Variants in DYNC2H1 observed in about 807,000 individuals in gnomAD.
The protein encoded by DYNC2H1 is dynein cytoplasmic 2 heavy chain 1, also known as cytoplasmic dynein 2 heavy chain 1.
In DYNC2H1, 410 loss-of-function variants were observed where a neutral mutation model predicts 570.0. The observed-to-expected ratio is 0.72, with a 90% CI of 0.66 to 0.78. The LOEUF (loss-of-function observed/expected upper bound fraction) is 0.78, where lower values mean the gene tolerates loss of function less well. DYNC2H1 is among the 30% of genes least tolerant of loss of function. The probability of loss-of-function intolerance (pLI) is 0.00; values close to 1 mark genes in which losing one functional copy is unlikely to be tolerated. For missense variants in DYNC2H1, 4,865 were observed against 5,046.4 expected (o/e 0.96, Z 1.09); for synonymous variants, 1,688 against 1,677.6 (o/e 1.01, Z -0.15).
In DYNC2H1 at chr11:103,117,850, A is replaced by C. The variant is rs368398298; in HGVS notation, c.986A>C (p.Lys329Thr). 4 of 1,611,816 alleles carry C rather than the reference A, an allele frequency of 2.5e-6. No homozygotes were observed. In the African/African-American group the frequency reaches 5.3e-5, roughly 22 times the overall value. ...CCAGAAACACTTGACAAACTTGGCA[A>C]ACGCCTTGAAGAGGTATCAATTTGA... is the stretch of plus-strand genomic sequence containing the variant. ...YFPETLDKLGKRLEEVLAIRT... is the reference protein window; with the variant it reads ...YFPETLDKLGTRLEEVLAIRT... Residue 329 changes from lysine (K) to threonine (T), a missense_variant, in exon 6 of 89, where the codon AAA becomes ACA. By Grantham distance (78) the Lys-to-Thr change is moderately conservative (BLOSUM62 -1). Around this residue, in one of 5 missense-constraint regions of DYNC2H1, gnomAD observed 1,936 missense variants for 1,962.1 expected, o/e 0.99. Transcript: ENST00000375735.
At chr11:103,240,206 G>A (rs1337718941) in intron 63 of DYNC2H1, among the ~76,000 whole-genome samples, 2 of 152,084 alleles carry the variant, frequency 1.3e-5, no homozygotes, top group African/African-American at 4.8e-5. Context: ...TCTCAGATGG[G>A]TTCTCTTTAC....
chr11:103,316,178 A>AT (rs200515868), intron 79 of DYNC2H1, among the ~76,000 whole-genome samples: 7 of 150,680 alleles, frequency 4.6e-5, no homozygotes, highest in South Asian at 2.1e-4. Flanking sequence ...TTTGTGCAGT[A>AT]TTTTTTTTTG....
At chr11:103,453,713 A>ATAGTAG (rs563196126) in intron 85 of DYNC2H1, among the ~76,000 whole-genome samples, 1 of 150,802 alleles carries the variant, frequency 6.6e-6, no homozygotes, top group Admixed American at 6.6e-5. Flanking sequence ...CATTAATGAA[A>ATAGTAG]TAGTAGTATA....
chr11:103,207,630 C>G (rs1249947168), intron 52 of DYNC2H1, among the ~76,000 whole-genome samples: 1 of 151,972 alleles, frequency 6.6e-6, no homozygotes, highest in Non-Finnish European at 1.5e-5. Flanking sequence ...ACATGGAAAA[C>G]AGTAGTTTGG....
At chr11:103,467,356 C>A (rs1363866908) in intron 87 of DYNC2H1, among the ~76,000 whole-genome samples, 1 of 152,172 alleles carries the variant, frequency 6.6e-6, no homozygotes, top group Admixed American at 6.5e-5. Context: ...GTAATGAAAT[C>A]ATTCAAAACA....
At chr11:103,234,692 CTCATCCCT>C (rs1864154697) in intron 61 of DYNC2H1, among the ~76,000 whole-genome samples, 1 of 151,832 alleles carries the variant, frequency 6.6e-6, no homozygotes, top group Admixed American at 6.6e-5. Flanking sequence ...TGGGGGTTAT[CTCATCCCT>C]TCATAATATC....
At chr11:103,117,255 A>T (rs1858452713) in intron 5 of DYNC2H1, among the ~76,000 whole-genome samples, 1 of 146,702 alleles carries the variant, frequency 6.8e-6, no homozygotes, top group Non-Finnish European at 1.5e-5. Context: ...TAATATATAT[A>T]TTTTATATAT....
chr11:103,263,308 A>AGT (rs1342221089), intron 70 of DYNC2H1, among the ~76,000 whole-genome samples: 10 of 152,114 alleles, frequency 6.6e-5, no homozygotes, highest in Non-Finnish European at 1.5e-4. Flanking sequence ...TGAGACAGAA[A>AGT]ATTAACAAGG....
At chr11:103,144,882 AG>A (rs11320631) in intron 18 of DYNC2H1, among the ~76,000 whole-genome samples, 151,605 of 151,634 alleles carry the variant, frequency 1, 75,788 homozygotes, top group Middle Eastern at 1. Context: ...AATGATAATT[AG>A]TTATTTTTTT....
intron 83 of DYNC2H1, among the ~76,000 whole-genome samples, chr11:103,374,953 G>A (rs963228106): frequency 2.0e-5 from 3 of 152,216 alleles, no homozygotes; most frequent in African/African-American, 7.2e-5. Flanking sequence ...TATCTCGAGG[G>A]CATGTCAGAG....
rs374700879 is a variant in DYNC2H1, at chr11:103,410,117, A to C, written c.12366+10245A>C. ...GCTACACTTTGGTTTGTCCAAATGC[A>C]CTTTCCAGTATGCTTACCATGTTAC... On this transcript the variant is annotated intron_variant, in intron 84 of 88. Transcript: ENST00000375735. 3.3e-5 allele frequency among the ~76,000 whole-genome samples: 5 copies of C among 152,168 alleles called. No homozygotes were observed. The South Asian group carries it at 1.0e-3, about 32-fold the overall frequency.
In DYNC2H1 at chr11:103,122,993, G is replaced by T; in HGVS notation, c.1654G>T (p.Gly552Cys). Residue 552 changes from glycine to cysteine, a missense_variant, in exon 11 of 89, where the codon GGT (glycine) becomes TGT (cysteine). This residue lies in a region of DYNC2H1 where 1,936 missense variants were observed against 1,962.1 expected (regional missense o/e 0.99). Transcript: ENST00000375735. ...IQSGLSDSRS[G>C]LCIEASSRIM... ...ATCAGGTTTATCTGATTCCAGATCT[G>T]GTTTGTGGTAAGTATAGATATATTA... 6.6e-7 allele frequency: 1 copy of T among 1,515,582 alleles called. No individual in the cohort carries two copies. The highest frequency in any genetic ancestry group is 8.9e-7 in the Non-Finnish European group (1 of 1,122,470). The allele number at this position is 1,515,582 out of a possible 1,614,324, so 93.9% of individuals were successfully genotyped here. A position where few individuals can be genotyped will look rare whatever the true frequency, so the allele number is the denominator to read the frequency against.
intron 84 of DYNC2H1, among the ~76,000 whole-genome samples, chr11:103,426,256 A>G (rs907548843): frequency 6.6e-6 from 1 of 152,202 alleles, no homozygotes; most frequent in African/African-American, 2.4e-5. Flanking sequence ...CTGTCAGTAA[A>G]TATGTGGGTA....
chr11:103,275,643 C>A lies in DYNC2H1; in HGVS notation c.10696-4705C>A, dbSNP rs1201953189. On this transcript the variant is annotated intron_variant, in intron 70 of 88. Coordinates refer to ENST00000375735, the MANE Select transcript of DYNC2H1 (RefSeq NM_001377.3). This position sits in a 1 kb window ranked among gnomAD's most constrained non-coding sequence, Gnocchi z 4.8. Reference sequence around the variant, plus strand: ...GTAGCCTTTGTAGATTGTCTTCTTTCACTTACTATTGTACGTTTAAGGTTC... The same window carrying A: ...GTAGCCTTTGTAGATTGTCTTCTTTAACTTACTATTGTACGTTTAAGGTTC... 6.6e-6 allele frequency among the ~76,000 whole-genome samples: 1 copy of A among 152,092 alleles called. No individual in the cohort carries two copies. Among genetic ancestry groups the A allele is most frequent in the Admixed American group, 6.5e-5 (1 of 15,270 alleles).
chr11:103,214,443 C>CTTTTTT (rs1555071078), intron 54 of DYNC2H1, among the ~76,000 whole-genome samples: 3 of 51,994 alleles, frequency 5.8e-5, no homozygotes, highest in Non-Finnish European at 3.5e-5. Context: ...AGTACTTCTT[C>CTTTTTT]TTCTTTTTTT....
At chr11:103,459,247 T>G (rs1465594292) in intron 87 of DYNC2H1, among the ~76,000 whole-genome samples, 2 of 133,338 alleles carry the variant, frequency 1.5e-5, no homozygotes, top group Middle Eastern at 3.8e-3. Flanking sequence ...AGGCGGAGCT[T>G]GCAGTGAGCC....
intron 82 of DYNC2H1, among the ~76,000 whole-genome samples, chr11:103,327,519 A>G (rs1169998447): frequency 2.0e-5 from 3 of 152,152 alleles, no homozygotes; most frequent in Non-Finnish European, 2.9e-5. Context: ...TGAAAGTTCT[A>G]TTATTAACAG....
intron 83 of DYNC2H1, among the ~76,000 whole-genome samples, chr11:103,374,713 C>T (rs1188044042): frequency 6.6e-6 from 1 of 152,116 alleles, no homozygotes; most frequent in Non-Finnish European, 1.5e-5. Context: ...TGACCCTGCC[C>T]TAGAGAACTG....
At chr11:103,149,033 G>A (rs1385606017) in intron 20 of DYNC2H1, among the ~76,000 whole-genome samples, 1 of 152,014 alleles carries the variant, frequency 6.6e-6, no homozygotes, top group Non-Finnish European at 1.5e-5. Context: ...CTCCAGCCTG[G>A]GTGACAGAGC....
Sources: allele counts gnomAD v4.1 joint callset (sites outside exome capture counted in the v4.1 genomes callset), GRCh38; gene constraint gnomAD v4.1.1; regional missense constraint gnomAD v4.1.1; non-coding constraint Gnocchi (gnomAD v3.1); transcripts MANE v1.5; gene names NCBI Gene and HGNC (gene_info 2026-07-23, HGNC 2026-07-21).